GPR89B: variants seen among roughly 807,000 people sequenced by gnomAD.
The protein encoded by GPR89B is G protein-coupled receptor 89B.
GPR89B carries 25 observed loss-of-function variants against 52.4 expected under a neutral mutation model. The observed-to-expected ratio is 0.48, with a 90% CI of 0.35 to 0.67. The LOEUF (loss-of-function observed/expected upper bound fraction) is 0.67, where lower values mean the gene tolerates loss of function less well. Among genes scored for constraint, GPR89B ranks in the 30% least tolerant of loss-of-function variants. GPR89B has a pLI of 0.01. For synonymous variants in GPR89B, 52 were observed against 151.2 expected (o/e 0.34, Z 4.81); for missense variants, 146 against 450.2 (o/e 0.32, Z 6.11).
the GPR89B span, among the ~76,000 whole-genome samples, chr1:148,004,912 CACACACACACACAT>C: frequency 7.9e-6 from 1 of 126,592 alleles, no homozygotes; most frequent in African/African-American, 2.9e-5. Context: ...CACACACACA[CACACACACACACAT>C]AAAAATTAGC....
intron 8 of GPR89B, chr1:147,968,147 T>C: frequency 4.9e-6 from 2 of 411,360 alleles, no homozygotes; most frequent in South Asian, 1.8e-5. Context: ...AACAAACATA[T>C]CAGGACTATT....
chr1:148,017,784 C>A, the GPR89B span, among the ~76,000 whole-genome samples: 1 of 92,046 alleles, frequency 1.1e-5, no homozygotes, highest in Admixed American at 1.1e-4. Flanking sequence ...ATAAAGTTAA[C>A]ACCCCTCACC....
chr1:147,949,640 C>T (rs1655380243), intron 5 of GPR89B, among the ~76,000 whole-genome samples: 1 of 139,454 alleles, frequency 7.2e-6, no homozygotes. Flanking sequence ...CCCCACCTCC[C>T]TCCCGGATGG....
At chr1:148,002,642 GTTC>G in the GPR89B span, among the ~76,000 whole-genome samples, 20 of 152,100 alleles carry the variant, frequency 1.3e-4, no homozygotes, top group Admixed American at 1.0e-3. Flanking sequence ...GCTGGTTTTT[GTTC>G]TTCTCCCTTA....
At chr1:147,952,384 TGG>T (rs1378837218) in intron 5 of GPR89B, among the ~76,000 whole-genome samples, 1 of 151,500 alleles carries the variant, frequency 6.6e-6, no homozygotes, top group Admixed American at 6.6e-5. Context: ...CCAGCAAGCC[TGG>T]AGTCCAAGCT....
the GPR89B span, among the ~76,000 whole-genome samples, chr1:148,015,623 T>TTTTGTTTG: frequency 3.7e-4 from 53 of 142,576 alleles, 1 homozygote; most frequent in South Asian, 6.4e-4. Context: ...CTTCTCTCTA[T>TTTTGTTTG]TTTGTTTGTT....
chr1:147,932,685 A>C (rs1324389611), intron 1 of GPR89B, among the ~76,000 whole-genome samples: 9 of 152,146 alleles, frequency 5.9e-5, no homozygotes, highest in African/African-American at 2.2e-4. Flanking sequence ...TTAATCTAAA[A>C]GGTTATCTGT....
intron 10 of GPR89B, among the ~76,000 whole-genome samples, chr1:147,970,541 ATCTCTCTCTCTCTATCTCTCTCTCTCTC>A (rs1657377434): frequency 3.2e-4 from 30 of 94,570 alleles, no homozygotes; most frequent in African/African-American, 1.3e-3. Context: ...CTCTATCTCT[ATCTCTCTCTCTCTATCTCTCTCTCTCTC>A]TATATATATA....
the GPR89B span, among the ~76,000 whole-genome samples, chr1:148,009,769 G>A: frequency 1.3e-5 from 2 of 152,162 alleles, no homozygotes; most frequent in East Asian, 3.9e-4. Context: ...AGATCCAGGT[G>A]CAGATTAGCT....
intron 7 of GPR89B, among the ~76,000 whole-genome samples, chr1:147,957,836 G>A (rs1286198174): frequency 2.6e-5 from 4 of 151,954 alleles, no homozygotes; most frequent in Non-Finnish European, 5.9e-5. Context: ...AGGCCGAGTC[G>A]GGCAGATCAC....
the GPR89B span, among the ~76,000 whole-genome samples, chr1:148,008,988 T>C: frequency 6.6e-6 from 1 of 152,188 alleles, no homozygotes; most frequent in Non-Finnish European, 1.5e-5. Context: ...TTCTTGCCTT[T>C]TATTCCTTAT....
chr1:148,002,979 C>T, the GPR89B span, among the ~76,000 whole-genome samples: 6 of 152,274 alleles, frequency 3.9e-5, no homozygotes, highest in African/African-American at 1.4e-4. Context: ...GTTGAATTAT[C>T]ACAGTGCTTG....
At chr1:147,950,240 C>T (rs1267849101) in intron 5 of GPR89B, among the ~76,000 whole-genome samples, 7 of 151,638 alleles carry the variant, frequency 4.6e-5, no homozygotes, top group Non-Finnish European at 1.0e-4. Flanking sequence ...CAGAGACGCT[C>T]CTCACCTCCC....
At chr1:147,951,842 A>C (rs1380068627) in intron 5 of GPR89B, among the ~76,000 whole-genome samples, 11 of 151,896 alleles carry the variant, frequency 7.2e-5, no homozygotes, top group Admixed American at 5.2e-4. Context: ...GAAGATCAGA[A>C]GCACAAGTGG....
At chr1:148,021,434 G>A in the GPR89B span, among the ~76,000 whole-genome samples, 12 of 151,924 alleles carry the variant, frequency 7.9e-5, no homozygotes, top group Admixed American at 2.0e-4. Context: ...CCCGGGAGGC[G>A]GAGCTTGCAG....
chr1:148,017,872 T>A, the GPR89B span, among the ~76,000 whole-genome samples: 1 of 147,868 alleles, frequency 6.8e-6, no homozygotes, highest in Non-Finnish European at 1.5e-5. Context: ...AAAGAGCATA[T>A]GCTAAACTCC....
chr1:147,937,708 T>C (rs1254119871), intron 2 of GPR89B, among the ~76,000 whole-genome samples: 6 of 152,210 alleles, frequency 3.9e-5, no homozygotes, highest in African/African-American at 2.4e-5. Flanking sequence ...TCGGACCTTA[T>C]GGTTATCTTT....
At chr1:147,931,012 A>G (rs1263853399) in intron 1 of GPR89B, among the ~76,000 whole-genome samples, 1 of 151,788 alleles carries the variant, frequency 6.6e-6, no homozygotes, top group East Asian at 1.9e-4. Flanking sequence ...CCCTTCACCT[A>G]CTTCCCCTGT....
At chr1:148,025,548 A>G in the GPR89B span, among the ~76,000 whole-genome samples, 13 of 147,082 alleles carry the variant, frequency 8.8e-5, no homozygotes, top group Admixed American at 2.0e-4. Flanking sequence ...AAAAAAAAAA[A>G]AAAGAATCTT....
Sources: allele counts gnomAD v4.1 joint callset (sites outside exome capture counted in the v4.1 genomes callset), GRCh38; gene constraint gnomAD v4.1.1; transcripts MANE v1.5; gene names NCBI Gene and HGNC (gene_info 2026-07-23, HGNC 2026-07-21).